The following TRAPPC3L variants were observed in gnomAD, a reference collection of about 807,000 sequenced individuals.
TRAPPC3L encodes trafficking protein particle complex subunit 3-like protein.
A neutral mutation model predicts 23.7 loss-of-function variants in TRAPPC3L; 23 were observed. The ratio of observed to expected loss-of-function variants is 0.97; its 90% CI spans 0.70 to 1.37. TRAPPC3L has a LOEUF of 1.37. TRAPPC3L is among the 40% of genes most tolerant of loss of function. The pLI, the probability that TRAPPC3L is intolerant of heterozygous loss-of-function variation, is 0.00. For missense variants in TRAPPC3L, 212 were observed against 216.8 expected (o/e 0.98, Z 0.14); for synonymous variants, 81 against 77.9 (o/e 1.04, Z -0.21).
At chr6:116,538,324 T>G (rs1035239289) in intron 3 of TRAPPC3L, among the ~76,000 whole-genome samples, 1 of 152,236 alleles carries the variant, frequency 6.6e-6, no homozygotes, top group South Asian at 2.1e-4. Flanking sequence ...ATTGAGCATA[T>G]TTCAGATAAT....
At chr6:116,526,885 G>T (rs1277475455) in intron 3 of TRAPPC3L, among the ~76,000 whole-genome samples, 2 of 152,086 alleles carry the variant, frequency 1.3e-5, no homozygotes, top group Non-Finnish European at 2.9e-5. Flanking sequence ...TTAAGAATGT[G>T]CCACTCCAAA....
chr6:116,524,528 C>T (rs912352513), intron 3 of TRAPPC3L: 1 of 152,208 alleles, frequency 6.6e-6, no homozygotes, highest in Non-Finnish European at 1.5e-5. Context: ...GTATTGTAAG[C>T]ATTACTTCAT....
At position 116,545,668 on chromosome 6, in the gene TRAPPC3L, T is replaced by C. The variant is rs1044450798; in HGVS notation, c.-154A>G. ...TTCTGCACTCTGCTGCTTTTGCTCT[T>C]TGCTGAGCTGAAGAGGGAAAAAAAC... On this transcript the variant is annotated 5_prime_UTR_variant, in exon 1 of 5. Coordinates refer to ENST00000368602, the MANE Select transcript of TRAPPC3L (RefSeq NM_001139444.3). The C allele has an allele frequency of 1.9e-6, 1 of 537,188 alleles. No homozygotes were observed. Among genetic ancestry groups the C allele is most frequent in the Admixed American group, 3.9e-5 (1 of 25,974 alleles). 33.3% of individuals were successfully genotyped at this position (537,188 alleles called of 1,614,324 possible).
intron 3 of TRAPPC3L, among the ~76,000 whole-genome samples, chr6:116,537,742 C>T (rs1026268690): frequency 2.0e-4 from 31 of 152,178 alleles, no homozygotes; most frequent in African/African-American, 7.2e-4. Context: ...AGAAAAGCAA[C>T]TTCCTAAGGG....
At chr6:116,511,095 C>CATAT (rs533002263) in intron 3 of TRAPPC3L, among the ~76,000 whole-genome samples, 1 of 125,298 alleles carries the variant, frequency 8.0e-6, no homozygotes. Flanking sequence ...ACTAAAATCT[C>CATAT]ATATATATAT....
At chr6:116,509,118 C>T (rs1535285) in intron 3 of TRAPPC3L, among the ~76,000 whole-genome samples, 59,804 of 145,634 alleles carry the variant, frequency 0.41, 13,074 homozygotes, top group East Asian at 0.56. Context: ...AAAAACCCAC[C>T]GATGAATATA....
chr6:116,496,981 G>A lies in TRAPPC3L; in HGVS notation c.519C>T (p.Asp173=), dbSNP rs564420451. The A allele has an allele frequency of 2.2e-5, 34 of 1,542,848 alleles. No individual in the cohort carries two copies. In the South Asian group the frequency reaches 3.0e-4, roughly 14 times the overall value. ...EIGITFLKKR[D]EKKYRGKK ...ATTTTTTCCCTCTATATTTTTTCTC[G>A]TCTCGCTTTTTTAGAAATGTTATTC... Residue 173 remains aspartate (D), a synonymous_variant, in exon 5 of 5, where the codon GAC becomes GAT. Coordinates refer to ENST00000368602, the MANE Select transcript of TRAPPC3L (RefSeq NM_001139444.3).
At chr6:116,543,707 T>C in intron 1 of TRAPPC3L, 1 of 964,866 alleles carries the variant, frequency 1.0e-6, no homozygotes, top group Non-Finnish European at 1.5e-6. Context: ...TTTTTAAAAA[T>C]ACTAATTTCT....
At chr6:116,516,150 A>G in intron 3 of TRAPPC3L, 1 of 899,042 alleles carries the variant, frequency 1.1e-6, no homozygotes. Context: ...CTCAAGTGGA[A>G]CATCAGGATG....
At chr6:116,509,536 A>T (rs1178079090) in intron 3 of TRAPPC3L, among the ~76,000 whole-genome samples, 1 of 152,148 alleles carries the variant, frequency 6.6e-6, no homozygotes, top group South Asian at 2.1e-4. Flanking sequence ...CTCAGAACCA[A>T]TTGATCTTTG....
chr6:116,511,183 G>GAT (rs59420398), intron 3 of TRAPPC3L, among the ~76,000 whole-genome samples: 21,083 of 141,332 alleles, frequency 0.15, 1,967 homozygotes, highest in African/African-American at 0.27. Flanking sequence ...AAAAGCTATT[G>GAT]ATATATATAT....
intron 4 of TRAPPC3L, 84 bp from the exon 5 acceptor site, chr6:116,497,157 T>C: frequency 6.9e-7 from 1 of 1,457,470 alleles, no homozygotes. Flanking sequence ...TCAGCTTTCT[T>C]TACTTTCCTT....
At chr6:116,504,477 T>C (rs1330857603) in intron 3 of TRAPPC3L, among the ~76,000 whole-genome samples, 1 of 152,228 alleles carries the variant, frequency 6.6e-6, no homozygotes, top group Non-Finnish European at 1.5e-5. Flanking sequence ...GTATTATTCC[T>C]TCTGAAACTA....
At chr6:116,533,011 C>A (rs920913853) in intron 3 of TRAPPC3L, among the ~76,000 whole-genome samples, 1 of 152,138 alleles carries the variant, frequency 6.6e-6, no homozygotes, top group Admixed American at 6.5e-5. Context: ...CCTATGAGAC[C>A]CACTGGCAGG....
At chr6:116,545,351 G>A (rs1023405591) in intron 1 of TRAPPC3L, 122 bp downstream of exon 1, 15 of 707,760 alleles carry the variant, frequency 2.1e-5, no homozygotes, top group South Asian at 4.3e-5. Flanking sequence ...GATTCACTTC[G>A]CTGAACACTG....
At chr6:116,514,954 T>G (rs1772194134) in intron 3 of TRAPPC3L, among the ~76,000 whole-genome samples, 1 of 152,248 alleles carries the variant, frequency 6.6e-6, no homozygotes, top group African/African-American at 2.4e-5. Flanking sequence ...TTTAAACTTC[T>G]GCTTTTAAGA....
chr6:116,502,465 A>G (rs996657121), intron 3 of TRAPPC3L, among the ~76,000 whole-genome samples: 9 of 152,378 alleles, frequency 5.9e-5, no homozygotes, highest in African/African-American at 2.2e-4. Context: ...GATATTATCC[A>G]GGAGAACTTC....
chr6:116,498,129 C>T (rs1232684835), intron 4 of TRAPPC3L, among the ~76,000 whole-genome samples: 1 of 152,166 alleles, frequency 6.6e-6, no homozygotes, highest in African/African-American at 2.4e-5. Flanking sequence ...ATTAAATTAA[C>T]AGGGAGACAA....
chr6:116,512,111 G>A (rs2115164533), intron 3 of TRAPPC3L: 1 of 1,614,012 alleles, frequency 6.2e-7, no homozygotes, highest in East Asian at 2.2e-5. Flanking sequence ...AGGACTCCTG[G>A]AACTGATTTG....
Sources: gnomAD v4.1 joint callset for allele counts (sites outside exome capture counted in the v4.1 genomes callset) on GRCh38, gnomAD v4.1.1 for gene constraint, MANE v1.5 for transcripts, NCBI Gene and HGNC (gene_info 2026-07-23, HGNC 2026-07-21) for gene names.